The following PALS1 variants were observed in gnomAD, a reference collection of about 807,000 sequenced individuals.
PALS1 encodes the protein protein associated with LIN7 1, MAGUK p55 family member.
A neutral mutation model predicts 78.9 loss-of-function variants in PALS1; 31 were observed. That is an observed-to-expected ratio of 0.39 (90% CI 0.30 to 0.53). The LOEUF is 0.53. Ranked by LOEUF, PALS1 falls within the 20% of genes least tolerant of loss-of-function variation. PALS1 has a pLI of 0.67. For missense variants in PALS1, 704 were observed against 826.5 expected, an observed-to-expected ratio of 0.85 and a Z score of 1.82; for synonymous variants, 276 against 270.9, an observed-to-expected ratio of 1.02 and a Z score of -0.18.
Position 67,302,477 on chromosome 14 carries a change from A to G in PALS1, c.869A>G (p.Glu290Gly). 1 of 1,600,176 alleles carries G rather than the reference A, an allele frequency of 6.2e-7. No homozygotes were observed. Among genetic ancestry groups the G allele is most frequent in the Non-Finnish European group, 8.5e-7 (1 of 1,173,230 alleles). Residue 290 changes from glutamate (E) to glycine (G), a missense_variant, in exon 7 of 15, where the codon GAG becomes GGG. Coordinates refer to ENST00000261681, the MANE Select transcript of PALS1 (RefSeq NM_022474.4). ...ISRIVKGGAA[E>G]KSGLLHEGDE... is the part of the protein sequence containing the mutation. ...CGGATAGTAAAAGGGGGTGCTGCAG[A>G]GAAAAGTGGTCTGTTGCATGAAGGA... is the stretch of plus-strand genomic sequence containing the variant.
chr14:67,296,641 A>T (rs1205897224), intron 4 of PALS1, among the ~76,000 whole-genome samples: 2 of 151,272 alleles, frequency 1.3e-5, no homozygotes, highest in Non-Finnish European at 2.9e-5. Flanking sequence ...GAAGGCCATT[A>T]ATAAATTTAA....
chr14:67,329,196 C>A (rs926533426), intron 14 of PALS1, among the ~76,000 whole-genome samples: 1 of 152,074 alleles, frequency 6.6e-6, no homozygotes, highest in Non-Finnish European at 1.5e-5. Flanking sequence ...CCTTCACATC[C>A]CTTGTAAGTT....
At chr14:67,264,244 G>A (rs1312486381) in intron 1 of PALS1, among the ~76,000 whole-genome samples, 1 of 152,124 alleles carries the variant, frequency 6.6e-6, no homozygotes, top group South Asian at 2.1e-4. Context: ...GATGACAGTG[G>A]TATTTAAATT....
rs2085249993 is a variant in PALS1, at chr14:67,320,670, CTGCT to C, written c.1537+275_1537+278del. ...CTGTTCCATAGAGAATCAGTTCCTG[CTGCT>C]TTAAAGTGATACAGAAGATAGAAAC... On this transcript the variant is annotated intron_variant, in intron 12 of 14. Transcript: ENST00000261681. 2.6e-5 allele frequency among the ~76,000 whole-genome samples: 4 copies of C among 151,996 alleles called. No individual in the cohort carries two copies. The South Asian group carries it at 8.3e-4, about 32-fold the overall frequency.
At chr14:67,290,566 ATTG>A (rs768492816) in intron 3 of PALS1, among the ~76,000 whole-genome samples, 1 of 152,150 alleles carries the variant, frequency 6.6e-6, no homozygotes, top group Admixed American at 6.5e-5. Context: ...TTTAAAAATT[ATTG>A]TTATTTTAAA....
At chr14:67,291,069 A>AG (rs1183867558) in intron 3 of PALS1, among the ~76,000 whole-genome samples, 1 of 152,190 alleles carries the variant, frequency 6.6e-6, no homozygotes, top group East Asian at 1.9e-4. Flanking sequence ...CAGGAAAAGC[A>AG]GGGGGGTCGG....
chr14:67,306,407 C>T (rs568292994), intron 8 of PALS1, among the ~76,000 whole-genome samples: 7 of 151,994 alleles, frequency 4.6e-5, no homozygotes, highest in South Asian at 4.2e-4. Context: ...TACAGTGGTG[C>T]GATCTTGGCT....
chr14:67,316,639 T>C (rs894460312), intron 9 of PALS1, among the ~76,000 whole-genome samples, 193 bp from the exon 10 acceptor site: 3 of 152,160 alleles, frequency 2.0e-5, no homozygotes, highest in Non-Finnish European at 2.9e-5. Flanking sequence ...ATGGGATTGA[T>C]TGAGCAGAGT....
At chr14:67,276,750 T>A (rs2084512701) in intron 2 of PALS1, among the ~76,000 whole-genome samples, 1 of 152,236 alleles carries the variant, frequency 6.6e-6, no homozygotes, top group African/African-American at 2.4e-5. Context: ...GAAATTTTTC[T>A]GAGAGCAAAG....
chr14:67,289,894 T>C (rs1246451644), intron 3 of PALS1, among the ~76,000 whole-genome samples: 4 of 150,762 alleles, frequency 2.7e-5, no homozygotes, highest in Admixed American at 1.3e-4. Context: ...CCTCAGCCTC[T>C]CGAGTAGCTG....
intron 9 of PALS1, among the ~76,000 whole-genome samples, chr14:67,314,533 G>GC (rs2085139825): frequency 1.3e-5 from 2 of 152,196 alleles, no homozygotes. Context: ...CAGAGTAACA[G>GC]TTACAGGACA....
At chr14:67,284,892 G>A (rs28617290) in intron 3 of PALS1, among the ~76,000 whole-genome samples, 22,701 of 151,684 alleles carry the variant, frequency 0.15, 3,179 homozygotes, top group East Asian at 0.42. Flanking sequence ...TTTTCCATTC[G>A]TCTAGGTTAA....
intron 3 of PALS1, among the ~76,000 whole-genome samples, chr14:67,280,391 G>A (rs2084585203): frequency 6.6e-6 from 1 of 152,134 alleles, no homozygotes; most frequent in Non-Finnish European, 1.5e-5. Context: ...CTACTTTTTT[G>A]TAGAAGGAGA....
chr14:67,246,103 GTCTA>G (rs2083984057), intron 1 of PALS1, among the ~76,000 whole-genome samples: 1 of 151,516 alleles, frequency 6.6e-6, no homozygotes, highest in African/African-American at 2.4e-5. Flanking sequence ...GATCTATTTT[GTCTA>G]TCCTTTTTAT....
intron 2 of PALS1, among the ~76,000 whole-genome samples, chr14:67,276,579 A>G (rs2084509839): frequency 6.6e-6 from 1 of 152,194 alleles, no homozygotes. Context: ...CACTGGAGCT[A>G]TAAAAGTAAG....
intron 1 of PALS1, among the ~76,000 whole-genome samples, chr14:67,251,196 G>C (rs1020869870): frequency 1.3e-5 from 2 of 152,132 alleles, no homozygotes; most frequent in African/African-American, 4.8e-5. Context: ...GGTAAGATTA[G>C]AAACTTTTTG....
rs1268566124 is a variant in PALS1, at chr14:67,279,340, A to G, written c.170A>G (p.Glu57Gly). Reference sequence around the variant, plus strand: ...CCAATACGTCGAAGTGCACAGTTGGAGCGTATTCGGCAACAACAGGAGGAC... The same window carrying G: ...CCAATACGTCGAAGTGCACAGTTGGGGCGTATTCGGCAACAACAGGAGGAC... ...MMPIRRSAQL[E>G]RIRQQQEDMR... The change falls in exon 3 of 15, where the codon GAG becomes GGG. Residue 57 changes from glutamate to glycine, a missense_variant. Transcript: ENST00000261681. The G allele has an allele frequency of 6.2e-7, 1 of 1,613,886 alleles. No homozygotes were observed.
intron 6 of PALS1, 31 bp downstream of exon 6, chr14:67,302,149 G>C (rs1282599000): frequency 6.4e-7 from 1 of 1,563,548 alleles, no homozygotes; most frequent in African/African-American, 1.4e-5. Flanking sequence ...TTTTAAACAA[G>C]TGCATTTTTC....
intron 8 of PALS1, among the ~76,000 whole-genome samples, chr14:67,303,834 C>A (rs1309736935): frequency 2.0e-5 from 3 of 151,278 alleles, no homozygotes; most frequent in African/African-American, 7.3e-5. Context: ...GTGGTGTGAT[C>A]TTGGCTCACT....
Sources: gnomAD v4.1 joint callset for allele counts (sites outside exome capture counted in the v4.1 genomes callset) on GRCh38, gnomAD v4.1.1 for gene constraint, MANE v1.5 for transcripts, NCBI Gene and HGNC (gene_info 2026-07-23, HGNC 2026-07-21) for gene names.